MINDY4: variants seen among roughly 807,000 people sequenced by gnomAD.
MINDY4 encodes the protein probable ubiquitin carboxyl-terminal hydrolase MINDY-4.
Under a neutral mutation model 87.0 loss-of-function variants are expected in MINDY4, and 68 were observed. That is an observed-to-expected ratio of 0.78 (90% CI 0.64 to 0.96). MINDY4 has a LOEUF of 0.96. Among genes scored for constraint, MINDY4 ranks in the 40% least tolerant of loss-of-function variants. The pLI is 0.00. For missense variants in MINDY4, 919 were observed against 928.2 expected, an observed-to-expected ratio of 0.99 and a Z score of 0.13; for synonymous variants, 379 against 363.2, an observed-to-expected ratio of 1.04 and a Z score of -0.50.
chr7:30,825,558 G>T (rs1390571552), intron 5 of MINDY4, among the ~76,000 whole-genome samples: 1 of 152,218 alleles, frequency 6.6e-6, no homozygotes, highest in African/African-American at 2.4e-5. Context: ...GCAGGGGAAG[G>T]ATGTGGAAAA....
chr7:30,787,271 A>G (rs1226460161), intron 4 of MINDY4, among the ~76,000 whole-genome samples: 4 of 152,222 alleles, frequency 2.6e-5, no homozygotes, highest in Non-Finnish European at 4.4e-5. Context: ...AGTTCAGGCC[A>G]CATCTTGATG....
chr7:30,838,301 G>A (rs992349608), intron 7 of MINDY4, among the ~76,000 whole-genome samples: 8 of 152,110 alleles, frequency 5.3e-5, no homozygotes, highest in African/African-American at 1.7e-4. Context: ...GAAGACAGCC[G>A]TGAGAAAGTA....
chr7:30,875,362 CCT>C, intron 14 of MINDY4, 131 bp from the exon 15 acceptor site: 1 of 1,003,438 alleles, frequency 1.0e-6, no homozygotes, highest in African/African-American at 1.6e-5. Context: ...GTCACAGCCT[CCT>C]CTGCTCTCAG....
At chr7:30,787,892 A>G (rs1787201168) in intron 4 of MINDY4, among the ~76,000 whole-genome samples, 1 of 152,248 alleles carries the variant, frequency 6.6e-6, no homozygotes, top group Non-Finnish European at 1.5e-5. Context: ...GGGTGTGTCT[A>G]TGCTATTTAC....
intron 5 of MINDY4, among the ~76,000 whole-genome samples, chr7:30,823,665 T>C (rs180789352): frequency 3.3e-5 from 5 of 152,368 alleles, no homozygotes; most frequent in Admixed American, 2.6e-4. Flanking sequence ...TTCTCTAATC[T>C]TTCTAATTTA....
At chr7:30,853,282 A>G (rs780264952) in intron 11 of MINDY4, 112 bp from the exon 12 acceptor site, 1 of 812,510 alleles carries the variant, frequency 1.2e-6, no homozygotes, top group Non-Finnish European at 2.1e-6. Flanking sequence ...TGACGCAGGG[A>G]CATTCCCAAG....
chr7:30,827,380 G>T (rs1724037666), intron 5 of MINDY4, among the ~76,000 whole-genome samples: 1 of 152,184 alleles, frequency 6.6e-6, no homozygotes, highest in Non-Finnish European at 1.5e-5. Context: ...GCAGGCGGAG[G>T]TGGGAGAAGT....
intron 5 of MINDY4, 85 bp downstream of exon 5, chr7:30,791,659 G>A: frequency 2.2e-6 from 3 of 1,367,726 alleles, no homozygotes; most frequent in Non-Finnish European, 3.0e-6. Context: ...GCTCCGAAGG[G>A]AACTTCTTAG....
chr7:30,783,774 C>T (rs945977829), intron 3 of MINDY4, among the ~76,000 whole-genome samples: 4 of 152,186 alleles, frequency 2.6e-5, no homozygotes, highest in African/African-American at 4.8e-5. Context: ...ATTCCATGAT[C>T]GTAAGGTTCA....
At chr7:30,834,312 C>T (rs1788796063) in intron 6 of MINDY4, among the ~76,000 whole-genome samples, 1 of 152,222 alleles carries the variant, frequency 6.6e-6, no homozygotes, top group South Asian at 2.1e-4. Flanking sequence ...AGGCTCAACA[C>T]CACATGGTAG....
At chr7:30,772,981 C>T (rs1786690158) in intron 1 of MINDY4, among the ~76,000 whole-genome samples, 1 of 152,054 alleles carries the variant, frequency 6.6e-6, no homozygotes, top group African/African-American at 2.4e-5. Context: ...CCACATCCCT[C>T]CCCACCACCC....
At position 30,778,868 on chromosome 7, in the gene MINDY4, A is replaced by G. The variant is rs561837597; in HGVS notation, c.183+317A>G. On this transcript the variant is annotated intron_variant, in intron 2 of 17. Transcript: ENST00000265299. ...CTCCTCCCAACATGAGGCTATTTTTAGTAAGACTGTACTTAAGAATATCGT... is the reference window on the plus strand; with the variant it reads ...CTCCTCCCAACATGAGGCTATTTTTGGTAAGACTGTACTTAAGAATATCGT... Among the ~76,000 whole-genome samples the G allele has an allele frequency of 4.0e-4, 61 of 152,314 alleles. 2 individuals carry two copies. Among genetic ancestry groups the G allele is most frequent in the Non-Finnish European group, 1.0e-4 (7 of 68,022 alleles).
chr7:30,861,360 C>G (rs576159556), intron 13 of MINDY4, among the ~76,000 whole-genome samples: 1 of 152,210 alleles, frequency 6.6e-6, no homozygotes, highest in Non-Finnish European at 1.5e-5. Flanking sequence ...ATGAACGCAT[C>G]GAGTCCACAG....
At chr7:30,865,388 A>G (rs558549260) in intron 13 of MINDY4, among the ~76,000 whole-genome samples, 5 of 152,368 alleles carry the variant, frequency 3.3e-5, no homozygotes, top group African/African-American at 9.6e-5. Context: ...GCAATGTCTC[A>G]AGAGACCAAG....
intron 5 of MINDY4, among the ~76,000 whole-genome samples, chr7:30,803,564 G>A (rs1787722939): frequency 6.6e-6 from 1 of 152,118 alleles, no homozygotes; most frequent in Non-Finnish European, 1.5e-5. Context: ...GCTGAGCCTT[G>A]AAGGCTGAGT....
intron 5 of MINDY4, among the ~76,000 whole-genome samples, chr7:30,798,422 A>T (rs1190175796): frequency 6.6e-6 from 1 of 152,194 alleles, no homozygotes; most frequent in African/African-American, 2.4e-5. Flanking sequence ...CCGTTCCCTG[A>T]AATGAAGACT....
chr7:30,788,099 C>A lies in MINDY4; in HGVS notation c.663+2107C>A, dbSNP rs536882577. Among the ~76,000 whole-genome samples, 4 of 152,262 alleles carry A rather than the reference C, an allele frequency of 2.6e-5. No individual in the cohort carries two copies. The East Asian group carries it at 7.7e-4, about 29-fold the overall frequency. On this transcript the variant is annotated intron_variant, in intron 4 of 17. Transcript: ENST00000265299. The stretch of plus-strand genomic sequence containing the variant: ...ACGTCTTGTTTAGTAGAAGACAATT[C>A]AAGCCTCATATTTGCTTTTGCATTC...
chr7:30,867,169 A>G lies in MINDY4; in HGVS notation c.1746-5074A>G, dbSNP rs543987974. Among the ~76,000 whole-genome samples the G allele has an allele frequency of 1.9e-3, 289 of 152,288 alleles. 2 individuals are homozygous for G. The highest frequency in any genetic ancestry group is 3.4e-3 in the Non-Finnish European group (228 of 68,024). On this transcript the variant is annotated intron_variant, in intron 13 of 17. Transcript: ENST00000265299. ...AGGTGGCAGAAGGGGCCTGACACCC[A>G]TTGGTTCTGACTCATCGTCTACTCC... is the stretch of plus-strand genomic sequence containing the variant.
intron 13 of MINDY4, among the ~76,000 whole-genome samples, chr7:30,863,075 A>G (rs1756814971): frequency 6.6e-6 from 1 of 151,714 alleles, no homozygotes. Context: ...GAGAAGCCCC[A>G]GCTCTGCATA....
Sources: gnomAD v4.1 joint callset for allele counts (sites outside exome capture counted in the v4.1 genomes callset) on GRCh38, gnomAD v4.1.1 for gene constraint, MANE v1.5 for transcripts, NCBI Gene and HGNC (gene_info 2026-07-23, HGNC 2026-07-21) for gene names.